RPS6KA2: variants seen among roughly 807,000 people sequenced by gnomAD.
RPS6KA2 encodes the protein ribosomal protein S6 kinase A2, also known as ribosomal protein S6 kinase alpha-2.
In RPS6KA2, 42 loss-of-function variants were observed where a neutral mutation model predicts 91.8. That is an observed-to-expected ratio of 0.46 (90% CI 0.36 to 0.59). The LOEUF (loss-of-function observed/expected upper bound fraction) is 0.59. Among genes scored for constraint, RPS6KA2 ranks in the 20% least tolerant of loss-of-function variants. The pLI is 0.00. For synonymous variants in RPS6KA2, 414 were observed against 393.6 expected (o/e 1.05, Z -0.61); for missense variants, 798 against 978.5 (o/e 0.82, Z 2.46).
rs1779227633 is a variant in RPS6KA2 at position 166,434,372 on chromosome 6, C to G, written c.1333-1882G>C. Among the ~76,000 whole-genome samples the G allele has an allele frequency of 6.6e-6, 1 of 152,188 alleles. No homozygotes were observed. Among genetic ancestry groups the G allele is most frequent in the African/African-American group, 2.4e-5 (1 of 41,440 alleles). On this transcript the variant is annotated intron_variant, in intron 14 of 20. Transcript: ENST00000265678. The surrounding 1 kb of genome is among the most constrained non-coding windows in gnomAD (Gnocchi z 4.4). ...TTCTACTGAAGTTTTAGCTAGGACA[C>G]TAGGACTAATTCTATTGCCAACATA...
chr6:166,839,807 C>T (rs1780420326), intron 2 of RPS6KA2, among the ~76,000 whole-genome samples: 1 of 150,072 alleles, frequency 6.7e-6, no homozygotes, highest in African/African-American at 2.5e-5. Context: ...CTTGGGCTTC[C>T]ACAAGGAAGG....
chr6:166,656,814 C>A (rs1788015400), intron 2 of RPS6KA2, among the ~76,000 whole-genome samples: 1 of 152,190 alleles, frequency 6.6e-6, no homozygotes. Flanking sequence ...CCATCGCCTC[C>A]CAGGGCCGTT....
chr6:166,814,347 A>T (rs1779710199), intron 2 of RPS6KA2, among the ~76,000 whole-genome samples: 1 of 152,254 alleles, frequency 6.6e-6, no homozygotes, highest in Admixed American at 6.5e-5. Context: ...CTTTCCTTTA[A>T]ATTGGTCATT....
intron 3 of RPS6KA2, among the ~76,000 whole-genome samples, chr6:166,523,539 T>G (rs545381532): frequency 9.2e-5 from 14 of 152,290 alleles, no homozygotes; most frequent in African/African-American, 3.4e-4. Context: ...TGCCTTAGTT[T>G]CATCATTCGT....
chr6:166,831,033 G>C (rs769503854), intron 2 of RPS6KA2, among the ~76,000 whole-genome samples: 3 of 152,110 alleles, frequency 2.0e-5, no homozygotes, highest in Non-Finnish European at 4.4e-5. Flanking sequence ...GACTCACCAC[G>C]CATGTGGCCA....
intron 2 of RPS6KA2, among the ~76,000 whole-genome samples, chr6:166,747,117 A>G (rs756443831): frequency 3.9e-5 from 6 of 152,154 alleles, no homozygotes; most frequent in African/African-American, 1.2e-4. Flanking sequence ...ATCATTGGCC[A>G]TTGGTGATAA....
At chr6:166,763,088 C>A (rs79325592) in intron 2 of RPS6KA2, among the ~76,000 whole-genome samples, 4 of 152,126 alleles carry the variant, frequency 2.6e-5, no homozygotes, top group African/African-American at 4.8e-5. Flanking sequence ...TATTTGGGAC[C>A]CAGTAACTGA....
chr6:166,618,668 G>A (rs1201651461), intron 1 of RPS6KA2, among the ~76,000 whole-genome samples: 1 of 152,206 alleles, frequency 6.6e-6, no homozygotes, highest in African/African-American at 2.4e-5. Context: ...TGGCAATTCG[G>A]GCAAATGCCC....
intron 12 of RPS6KA2, among the ~76,000 whole-genome samples, chr6:166,453,197 T>TCACACACACACACA (rs149702729): frequency 3.3e-4 from 47 of 141,232 alleles, no homozygotes; most frequent in African/African-American, 1.2e-3. Flanking sequence ...TGAGACTCCA[T>TCACACACACACACA]CACACACACA....
chr6:166,631,588 C>T (rs796123286), upstream of RPS6KA2, among the ~76,000 whole-genome samples: 12 of 152,358 alleles, frequency 7.9e-5, no homozygotes, highest in African/African-American at 2.9e-4. Flanking sequence ...ACCATAGGGC[C>T]AGAATCTACA....
In RPS6KA2 at chr6:166,565,667, G is replaced by A. The variant is rs3778399; in HGVS notation, c.100-26883C>T. ...TGGACTTGACTCGGTCTTGGACACC[G>A]GGGGCCAGTGAGCTAGCTGTTGGGC... On this transcript the variant is annotated intron_variant, in intron 1 of 20. Coordinates refer to ENST00000265678, the MANE Select transcript of RPS6KA2 (RefSeq NM_021135.6). 1.1e-4 allele frequency among the ~76,000 whole-genome samples: 17 copies of A among 152,312 alleles called. 1 individual carries two copies. The East Asian group carries it at 2.9e-3, about 26-fold the overall frequency.
At chr6:166,680,825 A>T (rs1788779529) in intron 2 of RPS6KA2, among the ~76,000 whole-genome samples, 1 of 152,240 alleles carries the variant, frequency 6.6e-6, no homozygotes, top group Admixed American at 6.5e-5. Context: ...AGGGAGACCG[A>T]GAACCCACCA....
chr6:166,722,030 A>G (rs898385093), intron 2 of RPS6KA2, among the ~76,000 whole-genome samples: 3 of 152,262 alleles, frequency 2.0e-5, no homozygotes, highest in African/African-American at 7.2e-5. Flanking sequence ...AGTGGAGTAA[A>G]TATAAATACA....
At chr6:166,768,976 A>C (rs988273068) in intron 2 of RPS6KA2, among the ~76,000 whole-genome samples, 3 of 152,178 alleles carry the variant, frequency 2.0e-5, no homozygotes, top group African/African-American at 7.2e-5. Context: ...TCCTGGCAGA[A>C]ACAGCCGCTT....
chr6:166,558,542 G>A (rs1241189520), intron 1 of RPS6KA2, among the ~76,000 whole-genome samples: 2 of 152,188 alleles, frequency 1.3e-5, no homozygotes, highest in African/African-American at 4.8e-5. Flanking sequence ...ATCCCAAGCA[G>A]TGTGTGCCCA....
chr6:166,702,744 G>C (rs1789562126), intron 2 of RPS6KA2: 1 of 1,240,994 alleles, frequency 8.1e-7, no homozygotes. Context: ...TCACCAGGAA[G>C]GGTCCCGACA....
At chr6:166,489,020 CCCA>C in intron 9 of RPS6KA2, 99 bp from the exon 10 acceptor site, 3 of 969,600 alleles carry the variant, frequency 3.1e-6, no homozygotes, top group Non-Finnish European at 4.8e-6. Flanking sequence ...ATCGCAGTCA[CCCA>C]GAGCAGCCCG....
chr6:166,741,577 T>C lies in RPS6KA2; in HGVS notation c.123+116623A>G, dbSNP rs544808310. ...GACCAACGGATTGAATTAGGATCAT[T>C]AGAGCCCCGGTGTCCTTTAGTACTG... On this transcript the variant is annotated intron_variant, in intron 2 of 21. Coordinates refer to the RPS6KA2 transcript ENST00000503859. 2.7e-4 allele frequency among the ~76,000 whole-genome samples: 41 copies of C among 152,342 alleles called. 1 individual carries two copies. The South Asian group carries it at 8.5e-3, about 32-fold the overall frequency.
rs1782837050 is a variant in RPS6KA2, at chr6:166,521,035, T to C, written c.298+10197A>G. Among the ~76,000 whole-genome samples, 2 of 152,378 alleles carry C rather than the reference T, an allele frequency of 1.3e-5. 1 individual carries two copies. Among genetic ancestry groups the C allele is most frequent in the Middle Eastern group, 6.8e-3 (2 of 294 alleles). ...GCCCACCCTCCAGCACTGCTGTCCCTGGCTGTCCCGGGTGCAGCTCTGCCT... is the reference window on the plus strand; with the variant it reads ...GCCCACCCTCCAGCACTGCTGTCCCCGGCTGTCCCGGGTGCAGCTCTGCCT... On this transcript the variant is annotated intron_variant, in intron 3 of 20. Transcript: ENST00000265678.
Sources: allele counts gnomAD v4.1 joint callset (sites outside exome capture counted in the v4.1 genomes callset), GRCh38; gene constraint gnomAD v4.1.1; non-coding constraint Gnocchi (gnomAD v3.1); transcripts MANE v1.5; gene names NCBI Gene and HGNC (gene_info 2026-07-23, HGNC 2026-07-21).